The following ANK3 variants were observed in gnomAD, a reference collection of about 807,000 sequenced individuals.
The protein encoded by ANK3 is ankyrin-3.
A neutral mutation model predicts 370.9 loss-of-function variants in ANK3; 57 were observed. The ratio of observed to expected loss-of-function variants is 0.15; its 90% CI spans 0.12 to 0.19. The LOEUF (loss-of-function observed/expected upper bound fraction) is 0.19, where lower values mean the gene tolerates loss of function less well. Among genes scored for constraint, ANK3 ranks in the 10% least tolerant of loss-of-function variants. The pLI is 1.00. For missense variants in ANK3, 4,439 were observed against 5,302.1 expected (o/e 0.84, Z 5.06); for synonymous variants, 1,929 against 1,946.3 (o/e 0.99, Z 0.23).
intron 16 of ANK3, 105 bp from the exon 17 acceptor site, chr10:60,187,017 C>G: frequency 9.0e-7 from 1 of 1,117,152 alleles, no homozygotes; most frequent in East Asian, 2.4e-5. Context: ...TCTATGATTG[C>G]TTAAGAAATC....
chr10:60,206,953 T>C (rs935704355), intron 10 of ANK3, among the ~76,000 whole-genome samples: 39 of 152,164 alleles, frequency 2.6e-4, no homozygotes, highest in African/African-American at 8.4e-4. Flanking sequence ...CCTCCATATG[T>C]TGTGAAATCT....
At chr10:60,357,070 G>T (rs1240094996) in intron 1 of ANK3, among the ~76,000 whole-genome samples, 1 of 152,052 alleles carries the variant, frequency 6.6e-6, no homozygotes, top group Non-Finnish European at 1.5e-5. Flanking sequence ...ACTGCCCTTG[G>T]TCACTGGTGA....
chr10:60,442,012 A>G (rs1426581130), intron 2 of ANK3, among the ~76,000 whole-genome samples: 7 of 152,066 alleles, frequency 4.6e-5, no homozygotes, highest in African/African-American at 1.7e-4. Flanking sequence ...GACCCCCTGC[A>G]GACCCCAAAA....
At chr10:60,474,544 T>A (rs1182166582) in intron 2 of ANK3, among the ~76,000 whole-genome samples, 1 of 152,158 alleles carries the variant, frequency 6.6e-6, no homozygotes, top group Non-Finnish European at 1.5e-5. Flanking sequence ...TTAAAAAAGA[T>A]GTGCAATAAA....
chr10:60,117,777 G>C (rs2093204079), intron 25 of ANK3, among the ~76,000 whole-genome samples: 1 of 152,100 alleles, frequency 6.6e-6, no homozygotes, highest in African/African-American at 2.4e-5. Context: ...TTGCGCCACT[G>C]CACTCCAGCC....
chr10:60,353,869 T>C (rs1045220520), intron 1 of ANK3, among the ~76,000 whole-genome samples: 4 of 152,236 alleles, frequency 2.6e-5, no homozygotes, highest in Non-Finnish European at 5.9e-5. Flanking sequence ...AGCCTGTTAA[T>C]TTTCCCCAGT....
chr10:60,132,883 TG>T (rs1294235435), intron 25 of ANK3, among the ~76,000 whole-genome samples: 4 of 152,212 alleles, frequency 2.6e-5, no homozygotes, highest in African/African-American at 9.6e-5. Context: ...TCCAAAGTGC[TG>T]GGATTACAGG....
chr10:60,363,215 C>T (rs893868766), intron 1 of ANK3, among the ~76,000 whole-genome samples: 14 of 152,096 alleles, frequency 9.2e-5, no homozygotes, highest in Non-Finnish European at 1.9e-4. Context: ...CCCTGTCGTT[C>T]ACTTCTTTCC....
intron 23 of ANK3, among the ~76,000 whole-genome samples, chr10:60,159,614 C>T (rs570928793): frequency 6.6e-6 from 1 of 152,152 alleles, no homozygotes; most frequent in Admixed American, 6.5e-5. Context: ...GTAAAATACA[C>T]ATTATTTCCT....
intron 1 of ANK3, among the ~76,000 whole-genome samples, chr10:60,724,209 C>CAAAAAAAAA (rs398013720): frequency 1.8e-5 from 1 of 54,618 alleles, no homozygotes; most frequent in African/African-American, 7.7e-5. Context: ...GACTCCGTCT[C>CAAAAAAAAA]AAAAAAAAAA....
intron 8 of ANK3, among the ~76,000 whole-genome samples, chr10:60,229,112 G>A (rs2097206319): frequency 6.6e-6 from 1 of 152,252 alleles, no homozygotes; most frequent in East Asian, 1.9e-4. Flanking sequence ...ATATTCTCTC[G>A]TGTTTTGAAA....
At position 60,158,685 on chromosome 10, in the gene ANK3, C is replaced by CTTTTTTTTT. The variant is rs141741941; in HGVS notation, c.2614+7905_2614+7906insAAAAAAAAA. On this transcript the variant is annotated intron_variant, in intron 23 of 43. Coordinates refer to ENST00000280772, the MANE Select transcript of ANK3 (RefSeq NM_020987.5). ...TACTACAAGAGAAAGCACTTTTTTT[C>CTTTTTTTTT]TTTTTTTTGAGACAGAATCTCATTC... Among the ~76,000 whole-genome samples the CTTTTTTTTT allele has an allele frequency of 2.7e-4, 36 of 132,750 alleles. 7 individuals carry two copies. The highest frequency in any genetic ancestry group is 3.2e-4 in the African/African-American group (11 of 34,242). 87.1% of individuals were successfully genotyped at this position (132,750 alleles called of 152,430 possible). A position where few individuals can be genotyped will look rare whatever the true frequency, so the allele number is the denominator to read the frequency against.
At chr10:60,079,433 G>C (rs2084654039) in intron 36 of ANK3, among the ~76,000 whole-genome samples, 1 of 152,188 alleles carries the variant, frequency 6.6e-6, no homozygotes, top group Middle Eastern at 3.4e-3. Context: ...AGAAGATGAC[G>C]CTAAGACCAT....
intron 2 of ANK3, among the ~76,000 whole-genome samples, chr10:60,466,698 G>A: frequency 6.6e-6 from 1 of 152,028 alleles, no homozygotes; most frequent in East Asian, 1.9e-4. Context: ...TAAACAACAT[G>A]TATATATCTC....
At chr10:60,608,104 C>A (rs2078152023) in intron 2 of ANK3, among the ~76,000 whole-genome samples, 1 of 152,140 alleles carries the variant, frequency 6.6e-6, no homozygotes, top group South Asian at 2.1e-4. Flanking sequence ...TTGCTATATA[C>A]CAACTACTTT....
At chr10:60,428,437 G>T (rs532023895) in intron 2 of ANK3, among the ~76,000 whole-genome samples, 2 of 152,260 alleles carry the variant, frequency 1.3e-5, no homozygotes, top group East Asian at 3.9e-4. Context: ...TATGAAGATT[G>T]AAAGATTGAA....
At chr10:60,630,756 G>GTAAAGAGCA (rs1286553931) in intron 1 of ANK3, among the ~76,000 whole-genome samples, 6 of 152,156 alleles carry the variant, frequency 3.9e-5, no homozygotes, top group African/African-American at 1.4e-4. Flanking sequence ...GTCAGTGGGG[G>GTAAAGAGCA]TAAAGAGCAT....
chr10:60,132,951 A>G (rs1403150709), intron 25 of ANK3, among the ~76,000 whole-genome samples: 1 of 152,126 alleles, frequency 6.6e-6, no homozygotes, highest in African/African-American at 2.4e-5. Flanking sequence ...TTGTCTGACC[A>G]AACACTGAAT....
At chr10:60,242,961 C>T (rs550227087) in intron 7 of ANK3, among the ~76,000 whole-genome samples, 8 of 152,124 alleles carry the variant, frequency 5.3e-5, no homozygotes, top group Admixed American at 1.3e-4. Flanking sequence ...ATATTTTTTT[C>T]GCTAGACCAG....
Sources: allele counts gnomAD v4.1 joint callset (sites outside exome capture counted in the v4.1 genomes callset), GRCh38; gene constraint gnomAD v4.1.1; transcripts MANE v1.5; gene names NCBI Gene and HGNC (gene_info 2026-07-23, HGNC 2026-07-21).